Variants in LIN52 observed in about 807,000 individuals in gnomAD.
LIN52 encodes lin-52 DREAM MuvB core complex component.
In LIN52, 4 loss-of-function variants were observed where a neutral mutation model predicts 18.5. The observed-to-expected ratio is 0.22, with a 90% CI of 0.11 to 0.49. LIN52 has a LOEUF of 0.49. Among genes scored for constraint, LIN52 ranks in the 20% least tolerant of loss-of-function variants. LIN52 has a pLI of 0.97. For synonymous variants in LIN52, 34 were observed against 45.5 expected (o/e 0.75, Z 1.02); for missense variants, 102 against 139.5 (o/e 0.73, Z 1.35).
At chr14:74,164,956 A>G (rs1270225983) in intron 5 of LIN52, among the ~76,000 whole-genome samples, 1 of 152,198 alleles carries the variant, frequency 6.6e-6, no homozygotes, top group East Asian at 1.9e-4. Flanking sequence ...AGAAGGTAAA[A>G]TTGATAAATC....
At chr14:74,193,138 A>G (rs1417419469) in intron 5 of LIN52, among the ~76,000 whole-genome samples, 1 of 152,028 alleles carries the variant, frequency 6.6e-6, no homozygotes, top group Non-Finnish European at 1.5e-5. Flanking sequence ...ATGCTCATTC[A>G]GCTCTTATCT....
intron 5 of LIN52, among the ~76,000 whole-genome samples, chr14:74,193,397 G>A (rs542704883): frequency 6.7e-6 from 1 of 149,516 alleles, no homozygotes; most frequent in African/African-American, 2.5e-5. Flanking sequence ...CTGGGTGACA[G>A]AACGAGACCT....
intron 5 of LIN52, among the ~76,000 whole-genome samples, chr14:74,177,908 G>T (rs969790672): frequency 6.6e-6 from 1 of 152,184 alleles, no homozygotes; most frequent in Non-Finnish European, 1.5e-5. Flanking sequence ...CTCCTGAGTA[G>T]CTGGGATTAC....
intron 1 of LIN52, among the ~76,000 whole-genome samples, chr14:74,087,204 A>T (rs1487251596): frequency 6.6e-6 from 1 of 151,992 alleles, no homozygotes; most frequent in East Asian, 1.9e-4. Context: ...TCACGAGGTC[A>T]GGAGATCGAG....
chr14:74,195,893 C>T (rs916251834), intron 5 of LIN52, among the ~76,000 whole-genome samples: 14 of 152,142 alleles, frequency 9.2e-5, no homozygotes, highest in Non-Finnish European at 1.9e-4. Context: ...GAAATGTTAA[C>T]ATCTCTGATG....
At position 74,118,908 on chromosome 14, in the gene LIN52, T is replaced by C. The variant is rs530934159; in HGVS notation, c.283+17670T>C. ...AATAATTTTGTTTATCTTTGAACTT[T>C]ATGTAAATGGAATAACAAATCACAT... On this transcript the variant is annotated intron_variant, in intron 5 of 5. Transcript: ENST00000555028. Among the ~76,000 whole-genome samples, 18 of 152,244 alleles carry C rather than the reference T, an allele frequency of 1.2e-4. No individual in the cohort carries two copies. In the South Asian group the frequency reaches 2.1e-3, roughly 18 times the overall value.
At chr14:74,183,972 T>A (rs1458094213) in intron 5 of LIN52, among the ~76,000 whole-genome samples, 1 of 152,232 alleles carries the variant, frequency 6.6e-6, no homozygotes, top group Non-Finnish European at 1.5e-5. Context: ...ACAAGGTCTG[T>A]ACATTGCATT....
chr14:74,133,158 C>T (rs2061078125), intron 5 of LIN52, among the ~76,000 whole-genome samples: 1 of 152,178 alleles, frequency 6.6e-6, no homozygotes, highest in Non-Finnish European at 1.5e-5. Flanking sequence ...TGATTTGGTC[C>T]AGTTATGTAG....
At chr14:74,119,729 G>A (rs1318523528) in intron 5 of LIN52, among the ~76,000 whole-genome samples, 2 of 151,978 alleles carry the variant, frequency 1.3e-5, no homozygotes, top group Non-Finnish European at 2.9e-5. Flanking sequence ...ATGAGGTTGA[G>A]CACCTTTTTG....
At chr14:74,153,474 GT>G (rs1281062745) in intron 5 of LIN52, among the ~76,000 whole-genome samples, 5 of 151,630 alleles carry the variant, frequency 3.3e-5, no homozygotes, top group African/African-American at 1.2e-4. Flanking sequence ...AAATAAATAA[GT>G]ATATATGAAC....
At chr14:74,185,058 C>T (rs1450190191) in intron 5 of LIN52, among the ~76,000 whole-genome samples, 1 of 151,882 alleles carries the variant, frequency 6.6e-6, no homozygotes, top group Non-Finnish European at 1.5e-5. Flanking sequence ...ACTTACTTCT[C>T]CAGATTTGGA....
intron 5 of LIN52, among the ~76,000 whole-genome samples, chr14:74,118,065 T>C (rs2060975507): frequency 6.6e-6 from 1 of 152,058 alleles, no homozygotes; most frequent in African/African-American, 2.4e-5. Context: ...CAATGGAGAG[T>C]TGAATCTGAT....
chr14:74,137,498 C>CTTTTTTTTTTTT (rs71460959), intron 5 of LIN52, among the ~76,000 whole-genome samples: 7,187 of 110,600 alleles, frequency 0.065, 691 homozygotes, highest in East Asian at 0.31. Context: ...CAGCAGCTCT[C>CTTTTTTTTTTTT]TTTTTTTTTT....
chr14:74,142,731 C>T (rs544381033), intron 5 of LIN52, among the ~76,000 whole-genome samples: 7 of 150,650 alleles, frequency 4.6e-5, no homozygotes, highest in East Asian at 2.0e-4. Context: ...ATGTTTTTTA[C>T]GTTTTTATGG....
chr14:74,091,216 G>A lies in LIN52; in HGVS notation c.20-16G>A. On this transcript the variant is annotated splice_polypyrimidine_tract_variant and intron_variant, in intron 1 of 5. Coordinates refer to ENST00000555028, the MANE Select transcript of LIN52 (RefSeq NM_001024674.3). ...TGTTTCCTGTCTTCTTGGTTCATCTGGATGTTTTGTTCTAGGGACAGATCT... is the reference window on the plus strand; with the variant it reads ...TGTTTCCTGTCTTCTTGGTTCATCTAGATGTTTTGTTCTAGGGACAGATCT... 6.3e-7 allele frequency: 1 copy of A among 1,588,046 alleles called. No individual in the cohort carries two copies. Among genetic ancestry groups the A allele is most frequent in the Middle Eastern group, 1.7e-4 (1 of 6,014 alleles).
intron 5 of LIN52, among the ~76,000 whole-genome samples, chr14:74,154,752 G>A (rs2061192421): frequency 1.3e-5 from 2 of 152,238 alleles, no homozygotes; most frequent in Non-Finnish European, 2.9e-5. Context: ...CAGCCTAGAA[G>A]ACGTAAGATT....
At chr14:74,188,303 C>T (rs1413729260) in intron 5 of LIN52, among the ~76,000 whole-genome samples, 4 of 151,980 alleles carry the variant, frequency 2.6e-5, no homozygotes, top group South Asian at 2.1e-4. Flanking sequence ...TCTTAAATCT[C>T]GATGCAAGTC....
In LIN52 at chr14:74,197,513, A is replaced by G. The variant is rs145348215; in HGVS notation, c.284-1409A>G. Among the ~76,000 whole-genome samples the G allele has an allele frequency of 5.0e-3, 768 of 152,274 alleles. 1 individual carries two copies. Among genetic ancestry groups the G allele is most frequent in the African/African-American group, 0.017 (709 of 41,556 alleles). ...TTTTACATTTTAGTGGAGGAAGACA[A>G]CCATATAAGCTAGTAATTGCATGCA... On this transcript the variant is annotated intron_variant, in intron 5 of 5. Coordinates refer to ENST00000555028, the MANE Select transcript of LIN52 (RefSeq NM_001024674.3).
chr14:74,141,231 C>T (rs2061128770), intron 5 of LIN52, among the ~76,000 whole-genome samples: 7 of 152,148 alleles, frequency 4.6e-5, no homozygotes, highest in Admixed American at 3.9e-4. Context: ...GTAACTGCCA[C>T]GAACAGTTTC....
Sources: allele counts gnomAD v4.1 joint callset (sites outside exome capture counted in the v4.1 genomes callset), GRCh38; gene constraint gnomAD v4.1.1; transcripts MANE v1.5; gene names NCBI Gene and HGNC (gene_info 2026-07-23, HGNC 2026-07-21).